The following SLC24A3 variants were observed in gnomAD, a reference collection of about 807,000 sequenced individuals.
SLC24A3 encodes solute carrier family 24 member 3.
SLC24A3 carries 28 observed loss-of-function variants against 75.8 expected under a neutral mutation model. That is an observed-to-expected ratio of 0.37 (90% confidence interval 0.27 to 0.51). The LOEUF (loss-of-function observed/expected upper bound fraction) is 0.51, where lower values mean the gene tolerates loss of function less well. Among genes scored for constraint, SLC24A3 ranks in the 20% least tolerant of loss-of-function variants. SLC24A3 has a pLI of 0.94. For synonymous variants in SLC24A3, 372 were observed against 334.1 expected (o/e 1.11, Z -1.24); for missense variants, 663 against 847.8 (o/e 0.78, Z 2.71).
chr20:19,649,825 C>T (rs975240553), intron 6 of SLC24A3, among the ~76,000 whole-genome samples: 1 of 152,198 alleles, frequency 6.6e-6, no homozygotes, highest in Admixed American at 6.5e-5. Context: ...ATCCCAAACT[C>T]TTTCCCACTG....
At chr20:19,532,864 T>G (rs762988357) in intron 3 of SLC24A3, among the ~76,000 whole-genome samples, 2 of 152,194 alleles carry the variant, frequency 1.3e-5, no homozygotes, top group African/African-American at 4.8e-5. Flanking sequence ...AGAGAGCACA[T>G]TGGCAGCCCC....
At chr20:19,591,763 T>G (rs981547873) in intron 6 of SLC24A3, among the ~76,000 whole-genome samples, 1 of 152,198 alleles carries the variant, frequency 6.6e-6, no homozygotes, top group Admixed American at 6.5e-5. Context: ...CCTCCAGAGC[T>G]AAGAATCTAA....
intron 2 of SLC24A3, among the ~76,000 whole-genome samples, chr20:19,415,308 G>T (rs553862046): frequency 6.6e-6 from 1 of 152,318 alleles, no homozygotes; most frequent in South Asian, 2.1e-4. Flanking sequence ...TTTCATGCCT[G>T]CATGTTATTC....
chr20:19,596,790 C>A (rs1379249526), intron 6 of SLC24A3, among the ~76,000 whole-genome samples: 2 of 152,172 alleles, frequency 1.3e-5, no homozygotes, highest in Non-Finnish European at 2.9e-5. Flanking sequence ...GCTCCATAGA[C>A]CCCTGGTGGC....
At chr20:19,405,671 T>G (rs1295820068) in intron 2 of SLC24A3, among the ~76,000 whole-genome samples, 1 of 152,230 alleles carries the variant, frequency 6.6e-6, no homozygotes. Flanking sequence ...TGATTCCCAA[T>G]AGTGCATTTG....
chr20:19,674,795 G>A (rs1427798284), intron 9 of SLC24A3, among the ~76,000 whole-genome samples: 2 of 152,248 alleles, frequency 1.3e-5, no homozygotes, highest in South Asian at 4.1e-4. Flanking sequence ...GCTCATGCCT[G>A]TAATCTCAGC....
chr20:19,719,382 T>C (rs1372829094), intron 16 of SLC24A3, among the ~76,000 whole-genome samples: 2 of 151,754 alleles, frequency 1.3e-5, no homozygotes, highest in Non-Finnish European at 2.9e-5. Context: ...AGGGATGGAG[T>C]TGGGGCATGT....
chr20:19,386,246 T>C (rs1159971386), intron 2 of SLC24A3, among the ~76,000 whole-genome samples: 1 of 152,222 alleles, frequency 6.6e-6, no homozygotes, highest in Middle Eastern at 3.2e-3. Flanking sequence ...CAGAAACTGC[T>C]GATTTTTTGT....
intron 6 of SLC24A3, among the ~76,000 whole-genome samples, chr20:19,622,284 G>A (rs1308774455): frequency 1.3e-5 from 2 of 152,172 alleles, no homozygotes; most frequent in Non-Finnish European, 2.9e-5. Context: ...GCTCACTGGA[G>A]GAATGAGCAT....
intron 2 of SLC24A3, among the ~76,000 whole-genome samples, chr20:19,292,517 T>A (rs928970790): frequency 2.0e-5 from 3 of 152,200 alleles, no homozygotes; most frequent in Admixed American, 1.3e-4. Context: ...TGGAGCTTTT[T>A]CTGGGGAACG....
chr20:19,497,059 C>T (rs1247171211), intron 2 of SLC24A3, among the ~76,000 whole-genome samples: 1 of 152,118 alleles, frequency 6.6e-6, no homozygotes, highest in Non-Finnish European at 1.5e-5. Context: ...CATGGGGTAC[C>T]AGCGATTTGC....
intron 2 of SLC24A3, among the ~76,000 whole-genome samples, chr20:19,289,731 C>T (rs1983895517): frequency 6.6e-6 from 1 of 152,204 alleles, no homozygotes; most frequent in African/African-American, 2.4e-5. Flanking sequence ...TTCACTCCCA[C>T]CCACCTGGCT....
intron 6 of SLC24A3, among the ~76,000 whole-genome samples, chr20:19,609,217 G>A (rs1276756479): frequency 5.9e-5 from 9 of 151,910 alleles, no homozygotes; most frequent in Admixed American, 4.6e-4. Flanking sequence ...CGAAGGAGGG[G>A]GTTATTATCT....
At chr20:19,255,968 A>G (rs1982801645) in intron 1 of SLC24A3, among the ~76,000 whole-genome samples, 1 of 152,020 alleles carries the variant, frequency 6.6e-6, no homozygotes, top group Admixed American at 6.6e-5. Flanking sequence ...GTATGGTGGC[A>G]CGTGCCTGTA....
intron 1 of SLC24A3, among the ~76,000 whole-genome samples, chr20:19,214,047 A>C (rs1475527773): frequency 6.6e-6 from 1 of 152,212 alleles, no homozygotes; most frequent in Non-Finnish European, 1.5e-5. Flanking sequence ...GAATAAAGAC[A>C]TTTTGATAGT....
rs1162878916 is a variant in SLC24A3 at position 19,627,222 on chromosome 20, T to C, written c.613-26840T>C. ...TGCCTACCCTCAAGATGCATGTATCTGTCTGTGTTGTTTCTTAGAAGTGGT... is the reference window on the plus strand; with the variant it reads ...TGCCTACCCTCAAGATGCATGTATCCGTCTGTGTTGTTTCTTAGAAGTGGT... On this transcript the variant is annotated intron_variant, in intron 6 of 16. Coordinates refer to ENST00000328041, the MANE Select transcript of SLC24A3 (RefSeq NM_020689.4). Among the ~76,000 whole-genome samples the C allele has an allele frequency of 2.0e-5, 3 of 152,358 alleles. No homozygotes were observed. In the South Asian group the frequency reaches 6.2e-4, roughly 32 times the overall value.
intron 2 of SLC24A3, among the ~76,000 whole-genome samples, chr20:19,515,041 G>A (rs748802433): frequency 1.3e-5 from 2 of 152,220 alleles, no homozygotes; most frequent in Admixed American, 6.5e-5. Context: ...CAGAAAAGCA[G>A]TTTTCAATGC....
At chr20:19,358,792 C>A (rs1985735396) in intron 2 of SLC24A3, among the ~76,000 whole-genome samples, 1 of 152,160 alleles carries the variant, frequency 6.6e-6, no homozygotes, top group Admixed American at 6.5e-5. Context: ...GTTCCCAGGC[C>A]CCCGGCAGTC....
At chr20:19,458,216 T>C (rs915392977) in intron 2 of SLC24A3, among the ~76,000 whole-genome samples, 1 of 152,178 alleles carries the variant, frequency 6.6e-6, no homozygotes, top group African/African-American at 2.4e-5. Context: ...TATGTTCATG[T>C]GTGTGTTTCC....
Sources: gnomAD v4.1 joint callset for allele counts (sites outside exome capture counted in the v4.1 genomes callset) on GRCh38, gnomAD v4.1.1 for gene constraint, MANE v1.5 for transcripts, NCBI Gene and HGNC (gene_info 2026-07-23, HGNC 2026-07-21) for gene names.